Variants in SYNE1 observed in about 807,000 individuals in gnomAD.
SYNE1 encodes nesprin-1.
SYNE1 carries 616 observed loss-of-function variants against 1,111.0 expected under a neutral mutation model. The observed-to-expected ratio is 0.55, with a 90% CI of 0.52 to 0.59. SYNE1 has a LOEUF of 0.59. SYNE1 is among the 20% of genes least tolerant of loss of function. The pLI, the probability that SYNE1 is intolerant of heterozygous loss-of-function variation, is 0.00. For missense variants in SYNE1, 10,006 were observed against 10,417.0 expected (o/e 0.96, Z 1.72); for synonymous variants, 3,855 against 3,825.8 (o/e 1.01, Z -0.28).
Position 152,396,855 on chromosome 6 carries a change from G to T in SYNE1, c.7476C>A (p.Ala2492=), listed in dbSNP as rs2097739227. The T allele has an allele frequency of 1.9e-6, 3 of 1,613,994 alleles. No homozygotes were observed. The highest frequency in any genetic ancestry group is 2.5e-6 in the Non-Finnish European group (3 of 1,180,022). The part of the protein sequence containing the change: ...VSSIQEQITK[A]NEEFQAFLKQ... ...TCAGAAATGCTTGAAACTCTTCATT[G>T]GCCTTTGTGATTTGTTCTTGAATGC... Residue 2492 remains alanine (A), a synonymous_variant, in exon 50 of 146, where the codon GCC becomes GCA. Coordinates refer to ENST00000367255, the MANE Select transcript of SYNE1 (RefSeq NM_182961.4).
At chr6:152,201,800 G>GA in intron 127 of SYNE1, 24 bp downstream of exon 127, 2 of 1,613,852 alleles carry the variant, frequency 1.2e-6, no homozygotes, top group Non-Finnish European at 1.7e-6. Flanking sequence ...AGGTGACGGT[G>GA]AAAATCTCAG....
intron 137 of SYNE1, chr6:152,147,463 G>A (rs1329730590): frequency 6.6e-6 from 1 of 152,438 alleles, no homozygotes; most frequent in Non-Finnish European, 1.5e-5. Context: ...TGGTGAACAG[G>A]CTGCTTCACA....
At chr6:152,302,209 C>T (rs955894703) in intron 91 of SYNE1, 146 bp from the exon 92 acceptor site, 8 of 1,050,150 alleles carry the variant, frequency 7.6e-6, no homozygotes, top group African/African-American at 3.1e-5. Flanking sequence ...GCGAGTCCTC[C>T]TGCATCTCGC....
At chr6:152,511,573 G>A (rs766008981) in intron 6 of SYNE1, 4 of 1,612,640 alleles carry the variant, frequency 2.5e-6, no homozygotes, top group East Asian at 4.5e-5. Flanking sequence ...GTACTAACCG[G>A]TGATCCTCTG....
At chr6:152,573,377 T>C (rs867130351) in intron 3 of SYNE1, among the ~76,000 whole-genome samples, 1 of 130,968 alleles carries the variant, frequency 7.6e-6, no homozygotes, top group Non-Finnish European at 1.6e-5. Context: ...GTCCCCTTCC[T>C]GTGTCCATGT....
intron 82 of SYNE1, among the ~76,000 whole-genome samples, chr6:152,322,305 T>A (rs537286519): frequency 2.6e-5 from 4 of 152,346 alleles, no homozygotes; most frequent in Non-Finnish European, 5.9e-5. Context: ...ACGTTAATAA[T>A]GTACAAATTT....
At chr6:152,366,892 G>A (rs2097091378) in intron 62 of SYNE1, 1 of 448,616 alleles carries the variant, frequency 2.2e-6, no homozygotes, top group Non-Finnish European at 4.3e-6. Context: ...GATGGAAAAT[G>A]TTTTGCCCTA....
At chr6:152,301,397 GT>G (rs2095159851) in intron 92 of SYNE1, among the ~76,000 whole-genome samples, 1 of 152,140 alleles carries the variant, frequency 6.6e-6, no homozygotes, top group South Asian at 2.1e-4. Context: ...TAGACGGTCT[GT>G]TTTCATATTT....
Position 152,566,950 on chromosome 6 carries a change from G to A in SYNE1, c.68-26929C>T, listed in dbSNP as rs1001635947. 4.0e-5 allele frequency among the ~76,000 whole-genome samples: 6 copies of A among 151,410 alleles called. No homozygotes were observed. In the East Asian group the frequency reaches 7.8e-4, roughly 20 times the overall value. ...ATACACATAGTGAAATAATTACTACGGCCAAGAAAACTAACATATTCATCT... is the reference window on the plus strand; with the variant it reads ...ATACACATAGTGAAATAATTACTACAGCCAAGAAAACTAACATATTCATCT... On this transcript the variant is annotated intron_variant, in intron 3 of 145. Coordinates refer to ENST00000367255, the MANE Select transcript of SYNE1 (RefSeq NM_182961.4).
At chr6:152,367,722 C>T (rs1187386170) in intron 61 of SYNE1, 3 of 318,542 alleles carry the variant, frequency 9.4e-6, no homozygotes, top group Non-Finnish European at 1.8e-5. Context: ...ATTAGGCTCA[C>T]CTGACACAAC....
chr6:152,436,189 G>C, intron 32 of SYNE1, 88 bp from the exon 33 acceptor site: 1 of 1,350,478 alleles, frequency 7.4e-7, no homozygotes, highest in East Asian at 2.3e-5. Flanking sequence ...ATACAGAACA[G>C]ATGGGTGGAT....
chr6:152,485,012 A>G (rs759140038), intron 12 of SYNE1, 40 bp from the exon 13 acceptor site: 1 of 1,599,760 alleles, frequency 6.3e-7, no homozygotes, highest in East Asian at 2.2e-5. Context: ...CAATGAGTCA[A>G]AAAAAGCAAA....
At chr6:152,294,820 ATATCAAGAGATATAG>A (rs1274750126) in intron 93 of SYNE1, among the ~76,000 whole-genome samples, 2 of 152,170 alleles carry the variant, frequency 1.3e-5, no homozygotes, top group African/African-American at 4.8e-5. Flanking sequence ...AAAATTTACT[ATATCAAGAGATATAG>A]TAAAGATATA....
intron 8 of SYNE1, among the ~76,000 whole-genome samples, chr6:152,507,721 T>C (rs1465545482): frequency 6.6e-6 from 1 of 152,200 alleles, no homozygotes; most frequent in Non-Finnish European, 1.5e-5. Context: ...TTTGTTACCT[T>C]ACTAATTTTT....
intron 128 of SYNE1, among the ~76,000 whole-genome samples, chr6:152,188,337 C>T (rs2070852297): frequency 6.6e-6 from 1 of 152,130 alleles, no homozygotes; most frequent in Admixed American, 6.5e-5. Flanking sequence ...ATCTGTTTTT[C>T]CTCTTTGCCT....
intron 21 of SYNE1, among the ~76,000 whole-genome samples, chr6:152,459,973 C>T (rs1473392611): frequency 1.3e-5 from 2 of 150,040 alleles, no homozygotes; most frequent in African/African-American, 5.1e-5. Flanking sequence ...CCTGCTACTG[C>T]AACAAGACTC....
chr6:152,548,132 C>G (rs191746106), intron 3 of SYNE1, among the ~76,000 whole-genome samples: 1 of 152,338 alleles, frequency 6.6e-6, no homozygotes, highest in East Asian at 1.9e-4. Context: ...CTGCCCACAG[C>G]AGCCTCATAT....
chr6:152,201,925 T>C lies in SYNE1; in HGVS notation c.23044A>G (p.Ile7682Val). 1 of 1,613,950 alleles carries C rather than the reference T, an allele frequency of 6.2e-7. No individual in the cohort carries two copies. Among genetic ancestry groups the C allele is most frequent in the Non-Finnish European group, 8.5e-7 (1 of 1,179,860 alleles). Residue 7682 changes from isoleucine (I) to valine (V), a missense_variant, in exon 127 of 146, where the codon ATA (isoleucine) becomes GTA (valine). Physicochemically the swap from Ile to Val is conservative, Grantham distance 29 (BLOSUM62 3). This residue lies in a region of SYNE1 where 2,182 missense variants were observed against 2,287.8 expected (regional missense o/e 0.95). Coordinates refer to ENST00000367255, the MANE Select transcript of SYNE1 (RefSeq NM_182961.4). ...CGTAGTTTCTCCAGGGAATCTGCTA[T>C]TCCTTTCTCACATTTTTCCCAGTCC... ...LKDWEKCEKG[I>V]ADSLEKLRTF...
Position 152,395,597 on chromosome 6 carries a change from C to T in SYNE1, c.7631G>A (p.Gly2544Glu), listed in dbSNP as rs769812088. 2 of 1,614,162 alleles carry T rather than the reference C, an allele frequency of 1.2e-6. No individual in the cohort carries two copies. The highest frequency in any genetic ancestry group is 1.7e-6 in the Non-Finnish European group (2 of 1,180,014). The part of the protein sequence containing the change: ...MEERFNTENL[G>E]ESKQHIPEKK... ...CTCAGGAATGTGCTGTTTACTCTCT[C>T]CCAAGTTTTCCGTATTGAACCTTTC... is the stretch of plus-strand genomic sequence containing the variant. Residue 2544 changes from glycine to glutamate, a missense_variant, in exon 51 of 146, where the codon GGA (glycine) becomes GAA (glutamate). Around this residue, in one of 7 missense-constraint regions of SYNE1, gnomAD observed 4,955 missense variants for 5,017.2 expected, o/e 0.99. Coordinates refer to ENST00000367255, the MANE Select transcript of SYNE1 (RefSeq NM_182961.4).
Sources: allele counts gnomAD v4.1 joint callset (sites outside exome capture counted in the v4.1 genomes callset), GRCh38; gene constraint gnomAD v4.1.1; regional missense constraint gnomAD v4.1.1; transcripts MANE v1.5; gene names NCBI Gene and HGNC (gene_info 2026-07-23, HGNC 2026-07-21).